Variants in VPS13B observed in about 807,000 individuals in gnomAD.
VPS13B encodes vacuolar protein sorting 13 homolog B.
A neutral mutation model predicts 426.4 loss-of-function variants in VPS13B; 285 were observed. The observed-to-expected ratio is 0.67, with a 90% CI of 0.61 to 0.74. The LOEUF (loss-of-function observed/expected upper bound fraction) is 0.74. Among genes scored for constraint, VPS13B ranks in the 30% least tolerant of loss-of-function variants. The probability of loss-of-function intolerance (pLI) is 0.00; values close to 1 mark genes in which losing one functional copy is unlikely to be tolerated. For synonymous variants in VPS13B, 1,676 were observed against 1,676.4 expected (o/e 1.00, Z 0.01); for missense variants, 4,537 against 4,782.6 (o/e 0.95, Z 1.51).
At chr8:99,551,042 C>G (rs1304967272) in intron 30 of VPS13B, among the ~76,000 whole-genome samples, 1 of 151,956 alleles carries the variant, frequency 6.6e-6, no homozygotes, top group Non-Finnish European at 1.5e-5. Flanking sequence ...AAATGTTCAC[C>G]TCATCACACA....
intron 30 of VPS13B, among the ~76,000 whole-genome samples, chr8:99,553,497 TATAAG>T (rs1328992528): frequency 2.0e-5 from 3 of 152,172 alleles, no homozygotes; most frequent in African/African-American, 4.8e-5. Context: ...TTCAGAATCA[TATAAG>T]ATAATATACT....
intron 7 of VPS13B, among the ~76,000 whole-genome samples, chr8:99,118,035 A>G (rs942177956): frequency 2.0e-5 from 3 of 152,224 alleles, no homozygotes; most frequent in Non-Finnish European, 4.4e-5. Flanking sequence ...ATTTCACACT[A>G]GAGGGTAAAT....
intron 19 of VPS13B, among the ~76,000 whole-genome samples, chr8:99,344,645 C>A (rs191229760): frequency 5.3e-5 from 8 of 152,178 alleles, no homozygotes; most frequent in African/African-American, 1.7e-4. Flanking sequence ...TAAGTCATTG[C>A]AGGTTTATTT....
At chr8:99,509,468 AT>A (rs1821672379) in intron 28 of VPS13B, among the ~76,000 whole-genome samples, 1 of 152,128 alleles carries the variant, frequency 6.6e-6, no homozygotes, top group South Asian at 2.1e-4. Context: ...TTCCTTCATT[AT>A]AAAGTCTAAA....
intron 34 of VPS13B, among the ~76,000 whole-genome samples, chr8:99,647,134 T>TA (rs1016620161): frequency 4.0e-5 from 6 of 151,776 alleles, no homozygotes; most frequent in South Asian, 2.1e-4. Flanking sequence ...ATTTGATTAT[T>TA]AAAAAAAAAT....
intron 3 of VPS13B, among the ~76,000 whole-genome samples, chr8:99,085,407 C>T (rs938740225): frequency 8.5e-5 from 13 of 152,086 alleles, no homozygotes; most frequent in African/African-American, 1.7e-4. Context: ...ACTCTTTATC[C>T]GATTTGCCAG....
chr8:99,082,014 C>G (rs1845500231), intron 3 of VPS13B, among the ~76,000 whole-genome samples: 1 of 152,100 alleles, frequency 6.6e-6, no homozygotes, highest in African/African-American at 2.4e-5. Context: ...ATTTCTAGTT[C>G]TAGATCCCTG....
intron 17 of VPS13B, among the ~76,000 whole-genome samples, chr8:99,217,644 G>C (rs534855124): frequency 6.6e-6 from 1 of 152,236 alleles, no homozygotes; most frequent in Admixed American, 6.5e-5. Flanking sequence ...ATACAAAAGA[G>C]CCGTGCGTAT....
chr8:99,624,008 T>TATATATATATATATATATATA (rs61596072), intron 33 of VPS13B, among the ~76,000 whole-genome samples: 2 of 71,564 alleles, frequency 2.8e-5, no homozygotes, highest in African/African-American at 1.2e-4. Context: ...TATATATATA[T>TATATATATATATATATATATA]TTTTTTTTTT....
intron 54 of VPS13B, among the ~76,000 whole-genome samples, chr8:99,837,469 G>A (rs73271392): frequency 0.034 from 5,197 of 152,222 alleles, 275 homozygotes; most frequent in African/African-American, 0.12. Flanking sequence ...GCTTATATTT[G>A]ACTGGGGAAT....
At chr8:99,291,069 C>T (rs756245323) in intron 19 of VPS13B, among the ~76,000 whole-genome samples, 1 of 151,810 alleles carries the variant, frequency 6.6e-6, no homozygotes, top group Non-Finnish European at 1.5e-5. Flanking sequence ...GACAGGAGGC[C>T]ATGAGAAAAG....
At chr8:99,554,827 A>G (rs947945732) in intron 30 of VPS13B, among the ~76,000 whole-genome samples, 8 of 152,108 alleles carry the variant, frequency 5.3e-5, no homozygotes, top group African/African-American at 1.9e-4. Flanking sequence ...CCCCACTGTC[A>G]TTCATTCCTT....
intron 33 of VPS13B, among the ~76,000 whole-genome samples, chr8:99,626,319 G>C (rs1031459342): frequency 6.6e-6 from 1 of 152,160 alleles, no homozygotes; most frequent in African/African-American, 2.4e-5. Flanking sequence ...ATTGTACAAA[G>C]GGAAAGAAGC....
intron 40 of VPS13B, 88 bp downstream of exon 40, chr8:99,767,058 G>A (rs2130622474): frequency 1.5e-6 from 2 of 1,300,168 alleles, no homozygotes; most frequent in Middle Eastern, 1.9e-4. Context: ...TCACTTAACT[G>A]TATCTCAGCT....
At chr8:99,875,238 T>G (rs1035035962) in intron 61 of VPS13B, 180 bp from the exon 62 acceptor site, 4 of 856,150 alleles carry the variant, frequency 4.7e-6, no homozygotes, top group Non-Finnish European at 7.5e-6. Context: ...GTTATACTGC[T>G]AAAACTGCAT....
chr8:99,317,062 A>C (rs1809706390), intron 19 of VPS13B, among the ~76,000 whole-genome samples: 1 of 152,224 alleles, frequency 6.6e-6, no homozygotes. Context: ...GGTGGCATAG[A>C]ATGGCCTTTG....
At chr8:99,085,301 G>C (rs1845713692) in intron 3 of VPS13B, among the ~76,000 whole-genome samples, 1 of 152,026 alleles carries the variant, frequency 6.6e-6, no homozygotes, top group African/African-American at 2.4e-5. Flanking sequence ...TTTTCCATTT[G>C]CTTGGTAGAT....
intron 17 of VPS13B, among the ~76,000 whole-genome samples, chr8:99,212,712 A>ATATT (rs1815162203): frequency 6.6e-6 from 1 of 151,980 alleles, no homozygotes; most frequent in African/African-American, 2.4e-5. Flanking sequence ...ATCATGAAGA[A>ATATT]TCTTAAGTGA....
At chr8:99,776,682 C>A in intron 40 of VPS13B, 93 bp from the exon 41 acceptor site, 4 of 1,112,078 alleles carry the variant, frequency 3.6e-6, no homozygotes, top group Non-Finnish European at 5.5e-6. Flanking sequence ...ATTTTCAGTA[C>A]TAGTTTTAGA....
Sources: gnomAD v4.1 joint callset for allele counts (sites outside exome capture counted in the v4.1 genomes callset) on GRCh38, gnomAD v4.1.1 for gene constraint, MANE v1.5 for transcripts, NCBI Gene and HGNC (gene_info 2026-07-23, HGNC 2026-07-21) for gene names.